Variants in ROR1 observed in about 807,000 individuals in gnomAD.
The protein encoded by ROR1 is ROR family WNT receptor 1, also known as inactive tyrosine-protein kinase transmembrane receptor ROR1.
A neutral mutation model predicts 78.8 loss-of-function variants in ROR1; 19 were observed. That is an observed-to-expected ratio of 0.24 (90% confidence interval 0.17 to 0.35). The LOEUF (loss-of-function observed/expected upper bound fraction) is 0.35. Among genes scored for constraint, ROR1 ranks in the 10% least tolerant of loss-of-function variants. The pLI, the probability that ROR1 is intolerant of heterozygous loss-of-function variation, is 1.00. For missense variants in ROR1, 917 were observed against 1,177.8 expected (o/e 0.78, Z 3.24); for synonymous variants, 386 against 433.6 (o/e 0.89, Z 1.36).
chr1:63,951,527 G>C (rs1645935520), intron 1 of ROR1, among the ~76,000 whole-genome samples: 1 of 152,218 alleles, frequency 6.6e-6, no homozygotes, highest in Non-Finnish European at 1.5e-5. Context: ...TGGCACAGCA[G>C]GTGCCATCAG....
chr1:64,087,562 G>C (rs1490914294), intron 4 of ROR1, among the ~76,000 whole-genome samples: 3 of 147,060 alleles, frequency 2.0e-5, no homozygotes, highest in Non-Finnish European at 4.5e-5. Context: ...AAGTAATGTG[G>C]GCTTAATCTT....
intron 8 of ROR1, among the ~76,000 whole-genome samples, chr1:64,165,968 A>T (rs897771998): frequency 4.6e-5 from 7 of 152,074 alleles, no homozygotes; most frequent in Non-Finnish European, 8.8e-5. Context: ...GGCCTCCCAA[A>T]GTGCTGGGAT....
chr1:64,181,365 G>A lies in ROR1; in HGVS notation c.*2510G>A, dbSNP rs908960522. ...TTTGTTATTATGGGCATTTCAAATA[G>A]GCAAGCATTGAATTGTAATGACAAA... On this transcript the variant is annotated 3_prime_UTR_variant, in exon 9 of 9. Transcript: ENST00000371079. 1 of 152,026 alleles carries A rather than the reference G, an allele frequency of 6.6e-6. No homozygotes were observed. The highest frequency in any genetic ancestry group is 2.4e-5 in the African/African-American group (1 of 41,402). 9.4% of individuals were successfully genotyped at this position (152,026 alleles called of 1,614,324 possible).
chr1:63,808,629 A>G (rs1569747437), intron 1 of ROR1, among the ~76,000 whole-genome samples: 1 of 152,178 alleles, frequency 6.6e-6, no homozygotes, highest in East Asian at 1.9e-4. Context: ...AAATTGAGAA[A>G]GGAGGTTTCC....
chr1:63,786,564 G>A (rs186375230), intron 1 of ROR1, among the ~76,000 whole-genome samples: 4 of 144,118 alleles, frequency 2.8e-5, no homozygotes, highest in South Asian at 2.2e-4. Context: ...GAGCCACCGC[G>A]CCTGGCCTTT....
intron 1 of ROR1, among the ~76,000 whole-genome samples, chr1:63,867,863 C>T (rs1020870617): frequency 2.6e-5 from 4 of 152,220 alleles, no homozygotes; most frequent in Non-Finnish European, 4.4e-5. Context: ...ATCTGCTTCT[C>T]TTTTCCCGAT....
chr1:64,144,760 T>A (rs1425517310), intron 7 of ROR1, among the ~76,000 whole-genome samples: 2 of 152,178 alleles, frequency 1.3e-5, no homozygotes, highest in African/African-American at 2.4e-5. Flanking sequence ...AAGCATACTC[T>A]CTCTCTAGAG....
intron 1 of ROR1, among the ~76,000 whole-genome samples, chr1:63,796,936 C>T (rs1644765109): frequency 6.6e-6 from 1 of 152,138 alleles, no homozygotes; most frequent in Non-Finnish European, 1.5e-5. Flanking sequence ...AAATGTTTCA[C>T]ATTTTTCAAG....
At chr1:64,033,683 C>T (rs1475142720) in intron 2 of ROR1, among the ~76,000 whole-genome samples, 2 of 152,214 alleles carry the variant, frequency 1.3e-5, no homozygotes, top group Non-Finnish European at 2.9e-5. Flanking sequence ...TAGAACTTCA[C>T]TGTGCACCAG....
intron 1 of ROR1, among the ~76,000 whole-genome samples, chr1:63,872,326 G>A (rs1008293866): frequency 6.6e-6 from 1 of 152,154 alleles, no homozygotes; most frequent in African/African-American, 2.4e-5. Context: ...GAAGCAGCAA[G>A]GCATAGTAGA....
At chr1:64,090,638 T>G (rs886652659) in intron 4 of ROR1, among the ~76,000 whole-genome samples, 7 of 152,222 alleles carry the variant, frequency 4.6e-5, no homozygotes, top group Admixed American at 1.3e-4. Context: ...AATCTGGATT[T>G]TGTTTGCTCT....
chr1:64,143,168 G>T (rs1649376780), intron 7 of ROR1: 1 of 988,936 alleles, frequency 1.0e-6, no homozygotes, highest in Non-Finnish European at 1.2e-6. Flanking sequence ...TATCTAGTAA[G>T]AAAATGGAAT....
At chr1:64,014,756 A>ATC (rs1646505857) in intron 2 of ROR1, among the ~76,000 whole-genome samples, 1 of 39,878 alleles carries the variant, frequency 2.5e-5, no homozygotes, top group South Asian at 1.8e-3. Flanking sequence ...ATATATATAT[A>ATC]TATATATATA....
At chr1:64,145,730 C>A (rs1649455379) in intron 7 of ROR1, among the ~76,000 whole-genome samples, 1 of 152,176 alleles carries the variant, frequency 6.6e-6, no homozygotes, top group Non-Finnish European at 1.5e-5. Context: ...TTCTCCTAAA[C>A]CAGGTAAGGT....
chr1:64,136,842 G>A (rs1649129416), intron 4 of ROR1, among the ~76,000 whole-genome samples: 1 of 152,070 alleles, frequency 6.6e-6, no homozygotes, highest in Non-Finnish European at 1.5e-5. Context: ...TTTGGGCAGG[G>A]TAGAGATAAT....
intron 1 of ROR1, chr1:63,789,182 G>C: frequency 1.7e-6 from 1 of 598,686 alleles, no homozygotes; most frequent in Non-Finnish European, 3.2e-6. Flanking sequence ...TCAGCTTCCA[G>C]ATCTGCTGAC....
At position 64,045,451 on chromosome 1, in the gene ROR1, G is replaced by A. The variant is rs114082261; in HGVS notation, c.164-4240G>A. 3.9e-3 allele frequency among the ~76,000 whole-genome samples: 588 copies of A among 152,040 alleles called. 7 individuals carry two copies. Among genetic ancestry groups the A allele is most frequent in the African/African-American group, 0.013 (558 of 41,490 alleles). On this transcript the variant is annotated intron_variant, in intron 2 of 8. Transcript: ENST00000371079. ...ATGGGATTGTTTTTATTTTTAAATA[G>A]GTTAATAAACAAATATTTTAAAACT...
intron 1 of ROR1, among the ~76,000 whole-genome samples, chr1:63,937,486 A>G (rs1645802998): frequency 6.6e-6 from 1 of 152,128 alleles, no homozygotes; most frequent in Admixed American, 6.6e-5. Context: ...TAACTTCTGC[A>G]GATGTCATTG....
intron 1 of ROR1, among the ~76,000 whole-genome samples, chr1:63,838,629 TA>T (rs1645032485): frequency 6.6e-6 from 1 of 152,086 alleles, no homozygotes; most frequent in South Asian, 2.1e-4. Context: ...GTTTATAAAA[TA>T]AAAAAGTTAC....
Sources: allele counts gnomAD v4.1 joint callset (sites outside exome capture counted in the v4.1 genomes callset), GRCh38; gene constraint gnomAD v4.1.1; transcripts MANE v1.5; gene names NCBI Gene and HGNC (gene_info 2026-07-23, HGNC 2026-07-21).